FHIT: variants seen among roughly 807,000 people sequenced by gnomAD.
The protein encoded by FHIT is fragile histidine triad diadenosine triphosphatase.
A neutral mutation model predicts 17.9 loss-of-function variants in FHIT; 19 were observed. That is an observed-to-expected ratio of 1.06 (90% confidence interval 0.74 to 1.56). The LOEUF (loss-of-function observed/expected upper bound fraction) is 1.56, where lower values mean the gene tolerates loss of function less well. FHIT is among the 40% of genes most tolerant of loss of function. The pLI is 0.00. For missense variants in FHIT, 248 were observed against 189.2 expected, an observed-to-expected ratio of 1.31 and a Z score of -1.82; for synonymous variants, 81 against 69.7, an observed-to-expected ratio of 1.16 and a Z score of -0.81.
chr3:60,557,627 T>TCA (rs940067797), intron 4 of FHIT, among the ~76,000 whole-genome samples: 1 of 151,574 alleles, frequency 6.6e-6, no homozygotes, highest in Non-Finnish European at 1.5e-5. Flanking sequence ...CTTGCTTGGT[T>TCA]CACCCATGAC....
At chr3:60,094,623 T>C (rs942484754) in intron 5 of FHIT, among the ~76,000 whole-genome samples, 28 of 152,162 alleles carry the variant, frequency 1.8e-4, no homozygotes, top group African/African-American at 5.3e-4. Context: ...CCTGTCAAAA[T>C]GTAATAAGAC....
intron 4 of FHIT, among the ~76,000 whole-genome samples, chr3:60,546,652 T>G (rs2036375867): frequency 1.3e-5 from 2 of 152,170 alleles, no homozygotes; most frequent in East Asian, 3.9e-4. Context: ...TGAATCTTAC[T>G]TTCCCTTTCT....
chr3:61,101,982 C>T (rs949342995), intron 2 of FHIT, among the ~76,000 whole-genome samples: 5 of 152,180 alleles, frequency 3.3e-5, no homozygotes, highest in African/African-American at 1.2e-4. Context: ...TCTAAACATA[C>T]AATCATGTCA....
chr3:60,871,872 A>T (rs1704432030), intron 3 of FHIT, among the ~76,000 whole-genome samples: 1 of 151,930 alleles, frequency 6.6e-6, no homozygotes, highest in Non-Finnish European at 1.5e-5. Flanking sequence ...TTTGTTGCCC[A>T]GGTTGGTCTT....
At chr3:60,005,677 A>T (rs1371031089) in intron 7 of FHIT, among the ~76,000 whole-genome samples, 3 of 152,204 alleles carry the variant, frequency 2.0e-5, no homozygotes, top group African/African-American at 7.2e-5. Flanking sequence ...CATCCTGAAG[A>T]TACCAATTCT....
chr3:60,719,830 G>A (rs940563156), intron 4 of FHIT, among the ~76,000 whole-genome samples: 1 of 152,044 alleles, frequency 6.6e-6, no homozygotes, highest in African/African-American at 2.4e-5. Context: ...TAAGGTCCAC[G>A]CAAATATCCT....
intron 4 of FHIT, among the ~76,000 whole-genome samples, chr3:60,623,851 G>C (rs148756293): frequency 6.6e-6 from 1 of 152,140 alleles, no homozygotes; most frequent in African/African-American, 2.4e-5. Context: ...GCCAGTTGGA[G>C]GGAACAGAAG....
Position 60,701,637 on chromosome 3 carries a change from A to G in FHIT, c.-18+120282T>C, listed in dbSNP as rs559045074. Among the ~76,000 whole-genome samples, 7 of 152,230 alleles carry G rather than the reference A, an allele frequency of 4.6e-5. No homozygotes were observed. The East Asian group carries it at 1.2e-3, about 25-fold the overall frequency. ...AGCTGATCTATGGAGTGTAGGGTCT[A>G]CAAAATAGCTCAAGTACTGATCTTA... On this transcript the variant is annotated intron_variant, in intron 4 of 9. Transcript: ENST00000492590.
At chr3:60,799,916 T>C (rs2106654609) in intron 4 of FHIT, among the ~76,000 whole-genome samples, 1 of 152,336 alleles carries the variant, frequency 6.6e-6, no homozygotes, top group East Asian at 1.9e-4. Context: ...GTTTATCACT[T>C]CCAGTGCCCA....
At chr3:60,753,188 C>T (rs1553717373) in intron 4 of FHIT, among the ~76,000 whole-genome samples, 2 of 152,140 alleles carry the variant, frequency 1.3e-5, no homozygotes, top group Admixed American at 1.3e-4. Flanking sequence ...GATCCAAAGG[C>T]TGGCAAACCT....
At chr3:60,314,257 A>T (rs566566094) in intron 5 of FHIT, among the ~76,000 whole-genome samples, 19 of 152,102 alleles carry the variant, frequency 1.2e-4, no homozygotes, top group Admixed American at 2.0e-4. Context: ...GATTTCTTTT[A>T]AAAAAAATCA....
At chr3:61,247,127 T>C (rs994790250) in intron 1 of FHIT, among the ~76,000 whole-genome samples, 10 of 152,186 alleles carry the variant, frequency 6.6e-5, no homozygotes, top group African/African-American at 1.2e-4. Flanking sequence ...GCAGATGCAG[T>C]GCCTGGAACA....
At chr3:59,876,447 G>C (rs944307743) in intron 8 of FHIT, among the ~76,000 whole-genome samples, 5 of 17,528 alleles carry the variant, frequency 2.9e-4, no homozygotes, top group African/African-American at 7.1e-4. Context: ...GAGGGAGTGT[G>C]GGAGCAGCAC....
intron 4 of FHIT, among the ~76,000 whole-genome samples, chr3:60,773,659 T>C (rs1179227936): frequency 3.9e-5 from 6 of 152,268 alleles, no homozygotes; most frequent in African/African-American, 1.4e-4. Context: ...AGCCACAGTA[T>C]CTTTGCTCTT....
intron 8 of FHIT, among the ~76,000 whole-genome samples, chr3:59,769,731 A>AT (rs11352722): frequency 0.013 from 1,703 of 129,828 alleles, 17 homozygotes; most frequent in South Asian, 0.042. Context: ...ACTAGTTTTG[A>AT]TTTTTTTTTT....
At chr3:60,115,356 G>A (rs1189943830) in intron 5 of FHIT, among the ~76,000 whole-genome samples, 1 of 152,108 alleles carries the variant, frequency 6.6e-6, no homozygotes. Context: ...TTTAAAGCAT[G>A]AGTAGTTCAC....
intron 1 of FHIT, among the ~76,000 whole-genome samples, chr3:61,211,855 C>T (rs2039488182): frequency 6.6e-6 from 1 of 152,236 alleles, no homozygotes; most frequent in Admixed American, 6.5e-5. Context: ...TCACGAAAAT[C>T]CGCTGTTCTG....
In FHIT at chr3:60,644,053, T is replaced by C. The variant is rs199903171; in HGVS notation, c.-17-107074A>G. On this transcript the variant is annotated intron_variant, in intron 4 of 9. Transcript: ENST00000492590. ...GAGAAATCCCATGGCTGGTAGAGCT[T>C]GGCAAAGGGAAATGTGTTTCCCTCA... 6.6e-5 allele frequency among the ~76,000 whole-genome samples: 10 copies of C among 152,188 alleles called. No individual in the cohort carries two copies. The East Asian group carries it at 1.9e-3, about 29-fold the overall frequency.
At chr3:60,182,678 G>T (rs967670001) in intron 5 of FHIT, among the ~76,000 whole-genome samples, 15 of 152,048 alleles carry the variant, frequency 9.9e-5, no homozygotes, top group African/African-American at 3.4e-4. Context: ...AGCTACTTGG[G>T]AGGCTGAGGT....
Sources: allele counts gnomAD v4.1 joint callset (sites outside exome capture counted in the v4.1 genomes callset), GRCh38; gene constraint gnomAD v4.1.1; transcripts MANE v1.5; gene names NCBI Gene and HGNC (gene_info 2026-07-23, HGNC 2026-07-21).